RACK1: variants seen among roughly 807,000 people sequenced by gnomAD.
The protein encoded by RACK1 is receptor for activated C kinase 1.
Under a neutral mutation model 42.2 loss-of-function variants are expected in RACK1, and 3 were observed. The ratio of observed to expected loss-of-function variants is 0.07; its 90% confidence interval spans 0.03 to 0.18. The LOEUF (loss-of-function observed/expected upper bound fraction) is 0.18. Ranked by LOEUF, RACK1 falls within the 10% of genes least tolerant of loss-of-function variation. The pLI, the probability that RACK1 is intolerant of heterozygous loss-of-function variation, is 1.00. For missense variants in RACK1, 146 were observed against 403.2 expected, an observed-to-expected ratio of 0.36 and a Z score of 5.46; for synonymous variants, 181 against 154.8, an observed-to-expected ratio of 1.17 and a Z score of -1.25.
chr5:181,243,646 C>T, intron 1 of RACK1, 46 bp downstream of exon 1: 3 of 1,551,874 alleles, frequency 1.9e-6, no homozygotes, highest in Admixed American at 2.0e-5. Context: ...ACGCGGAATC[C>T]CCCAGCCCTG....
chr5:181,242,349 A>C lies in RACK1; in HGVS notation c.110-4T>G, dbSNP rs759838218. On this transcript the variant is annotated splice_region_variant and splice_polypyrimidine_tract_variant and intron_variant, in intron 1 of 7. Transcript: ENST00000512805. ...TTCCACATGATGATGGTCTTATCTA[A>C]AGGAGGTAAAACAGAAGAAAAATCA... The C allele has an allele frequency of 7.5e-6, 12 of 1,606,042 alleles. No homozygotes were observed. The highest frequency in any genetic ancestry group is 2.2e-5 in the South Asian group (2 of 90,410).
At chr5:181,242,540 G>A (rs1163911428) in intron 1 of RACK1, 195 bp from the exon 2 acceptor site, 2 of 679,868 alleles carry the variant, frequency 2.9e-6, no homozygotes, top group Admixed American at 4.1e-5. Context: ...AACGCACGTA[G>A]AGGTAAACTG....
intron 1 of RACK1, chr5:181,242,590 C>T: frequency 1.8e-6 from 1 of 550,442 alleles, no homozygotes; most frequent in Non-Finnish European, 3.5e-6. Flanking sequence ...TGGAGTCTCG[C>T]TCTGTCGCCC....
chr5:181,241,719 T>C, intron 2 of RACK1, 80 bp from the exon 3 acceptor site: 3 of 1,441,302 alleles, frequency 2.1e-6, no homozygotes, highest in Non-Finnish European at 2.9e-6. Flanking sequence ...GGGCTTTGTC[T>C]CTGTCTCATT....
chr5:181,237,248 C>A, intron 7 of RACK1: 1 of 955,862 alleles, frequency 1.0e-6, no homozygotes, highest in Non-Finnish European at 1.6e-6. Context: ...AGGCATGTGC[C>A]ACAACGCCGG....
chr5:181,239,106 A>G lies in RACK1; in HGVS notation c.597T>C (p.Thr199=), dbSNP rs751331029. The G allele has an allele frequency of 1.2e-6, 2 of 1,613,966 alleles. No homozygotes were observed. Among genetic ancestry groups the G allele is most frequent in the South Asian group, 2.2e-5 (2 of 91,078 alleles). The change falls in exon 5 of 8, where the codon ACT becomes ACC. Residue 199 remains threonine, a synonymous_variant. Coordinates refer to ENST00000512805, the MANE Select transcript of RACK1 (RefSeq NM_006098.5). ...CACAGAGGGATCCATCTGGAGAGAC[A>G]GTCACCGTGTTCAGATAGCCTGTGT... ...IGHTGYLNTV[T]VSPDGSLCAS...
At chr5:181,237,562 G>A (rs1759188079) in intron 7 of RACK1, 47 bp downstream of exon 7, 1 of 980,936 alleles carries the variant, frequency 1.0e-6, no homozygotes, top group Non-Finnish European at 1.7e-6. Context: ...ATGAGAGGGA[G>A]AAAATTAACT....
rs749806666 is a variant in RACK1, at chr5:181,242,174, G to A, written c.281C>T (p.Thr94Met). 46 of 1,610,730 alleles carry A rather than the reference G, an allele frequency of 2.9e-5. No individual in the cohort carries two copies. The highest frequency in any genetic ancestry group is 3.6e-5 in the Non-Finnish European group (42 of 1,178,576). The change falls in exon 2 of 8, where the codon ACG (threonine) becomes ATG (methionine). Residue 94 changes from threonine to methionine, a missense_variant and splice_region_variant. Coordinates refer to ENST00000512805, the MANE Select transcript of RACK1 (RefSeq NM_006098.5). ...CAGAGCTAAGTGAGCAGCTACTTGC[G>A]TTGTGAGATCCCAGAGGCGCAGGGT... Reference protein sequence around the residue: ...DGTLRLWDLTTGTTTRRFVGH... With the variant: ...DGTLRLWDLTMGTTTRRFVGH...
chr5:181,242,407 A>G, intron 1 of RACK1, 62 bp from the exon 2 acceptor site: 1 of 1,119,058 alleles, frequency 8.9e-7, no homozygotes, highest in Non-Finnish European at 1.3e-6. Flanking sequence ...AACACACTGG[A>G]TAATTCACTA....
chr5:181,243,616 C>A, intron 1 of RACK1, 76 bp downstream of exon 1: 1 of 1,509,338 alleles, frequency 6.6e-7, no homozygotes, highest in Non-Finnish European at 9.0e-7. Context: ...CCACACCACA[C>A]GCGGAATTCC....
In RACK1 at chr5:181,236,990, A is replaced by G; in HGVS notation, c.941T>C (p.Ile314Thr). Residue 314 changes from isoleucine (I) to threonine (T), a missense_variant, in exon 8 of 8, where the codon ATT (isoleucine) becomes ACT (threonine). Coordinates refer to ENST00000512805, the MANE Select transcript of RACK1 (RefSeq NM_006098.5). The stretch of plus-strand genomic sequence containing the variant: ...TGCCATAAACTTCTAGCGTGTGCCA[A>G]TGGTCACCTGCCACACTCGCACCAG... ...DNLVRVWQVTIGTR is the reference protein window; with the variant it reads ...DNLVRVWQVTTGTR The G allele has an allele frequency of 2.5e-6, 4 of 1,613,856 alleles. No homozygotes were observed. The highest frequency in any genetic ancestry group is 2.2e-5 in the East Asian group (1 of 44,886).
intron 5 of RACK1, 132 bp from the exon 6 acceptor site, chr5:181,238,371 C>G (rs1759214592): frequency 2.3e-6 from 2 of 882,254 alleles, no homozygotes; most frequent in Middle Eastern, 2.3e-4. Context: ...GCTAATGACT[C>G]AAGTACCAAT....
At position 181,237,506 on chromosome 5, in the gene RACK1, C is replaced by T. The variant is rs182710099; in HGVS notation, c.888+103G>A. On this transcript the variant is annotated intron_variant, in intron 7 of 7. Transcript: ENST00000512805. ...ACCTGGCTTGTCATTTCACTTTATG[C>T]CAAGGACACTGCTCTTGTGTCTGAC... 42 of 743,646 alleles carry T rather than the reference C, an allele frequency of 5.6e-5. 1 individual carries two copies. The Admixed American group carries it at 6.9e-4, about 12-fold the overall frequency. 46.1% of individuals were successfully genotyped at this position (743,646 alleles called of 1,614,324 possible).
intron 4 of RACK1, 104 bp from the exon 5 acceptor site, chr5:181,239,281 T>A (rs1184747746): frequency 2.4e-6 from 2 of 821,936 alleles, no homozygotes; most frequent in Non-Finnish European, 4.3e-6. Context: ...TAGCCATTTC[T>A]CATTCAGTAA....
chr5:181,239,035 C>A (rs747597266), intron 5 of RACK1, 32 bp downstream of exon 5: 1 of 1,366,758 alleles, frequency 7.3e-7, no homozygotes, highest in East Asian at 2.3e-5. Context: ...CGCTGTCTTC[C>A]ACTGAGTAGG....
rs1759211241 is a variant in RACK1, at chr5:181,238,254, G to A, written c.637-15C>T. ...GCCTGGCCATCCTGGACACAGGTAA[G>A]GTAAATCAGGACACTGTGACCTCTT... is the stretch of plus-strand genomic sequence containing the variant. On this transcript the variant is annotated splice_polypyrimidine_tract_variant and intron_variant, in intron 5 of 7. Coordinates refer to ENST00000512805, the MANE Select transcript of RACK1 (RefSeq NM_006098.5). The A allele has an allele frequency of 7.4e-6, 12 of 1,613,596 alleles. No individual in the cohort carries two copies. Among genetic ancestry groups the A allele is most frequent in the Non-Finnish European group, 1.0e-5 (12 of 1,179,566 alleles).
In RACK1 at chr5:181,238,228, G is replaced by A. The variant is rs1271647171; in HGVS notation, c.648C>T (p.Ala216=). 3 of 1,613,676 alleles carry A rather than the reference G, an allele frequency of 1.9e-6. No individual in the cohort carries two copies. The highest frequency in any genetic ancestry group is 1.7e-5 in the Admixed American group (1 of 59,984). The change falls in exon 6 of 8, where the codon GCC becomes GCT. Residue 216 remains alanine, a synonymous_variant. Coordinates refer to ENST00000512805, the MANE Select transcript of RACK1 (RefSeq NM_006098.5). ...LCASGGKDGQ[A]MLWDLNEGKH... ...TGCCTTCGTTGAGATCCCATAACAT[G>A]GCCTGGCCATCCTGGACACAGGTAA...
chr5:181,242,528 A>C (rs1759382662), intron 1 of RACK1, 183 bp from the exon 2 acceptor site: 2 of 683,350 alleles, frequency 2.9e-6, no homozygotes, highest in Admixed American at 2.1e-5. Flanking sequence ...TTCCAGACTA[A>C]AAACGCACGT....
chr5:181,238,164 C>T lies in RACK1; in HGVS notation c.712G>A (p.Ala238Thr), dbSNP rs1390326067. 1.2e-6 allele frequency: 2 copies of T among 1,614,046 alleles called. No homozygotes were observed. The highest frequency in any genetic ancestry group is 1.7e-6 in the Non-Finnish European group (2 of 1,179,954). The stretch of plus-strand genomic sequence containing the variant: ...TAGCGGTTAGGGCTGAAGCACAGGG[C>T]GTTGATGATGTCCCCACCATCTAGC... The part of the protein sequence containing the change: ...YTLDGGDIIN[A>T]LCFSPNRYWL... Residue 238 changes from alanine to threonine, a missense_variant, in exon 6 of 8, where the codon GCC (alanine) becomes ACC (threonine). Coordinates refer to ENST00000512805, the MANE Select transcript of RACK1 (RefSeq NM_006098.5).
Sources: allele counts gnomAD v4.1 joint callset, GRCh38; gene constraint gnomAD v4.1.1; transcripts MANE v1.5; gene names NCBI Gene and HGNC (gene_info 2026-07-23, HGNC 2026-07-21).